ALX3: variants seen among roughly 807,000 people sequenced by gnomAD.
The protein encoded by ALX3 is ALX homeobox 3, also known as homeobox protein aristaless-like 3.
ALX3 carries 17 observed loss-of-function variants against 26.3 expected under a neutral mutation model. The ratio of observed to expected loss-of-function variants is 0.65; its 90% CI spans 0.44 to 0.97. The LOEUF (loss-of-function observed/expected upper bound fraction) is 0.97, where lower values mean the gene tolerates loss of function less well. Ranked by LOEUF, ALX3 falls within the 50% of genes least tolerant of loss-of-function variation. The pLI, the probability that ALX3 is intolerant of heterozygous loss-of-function variation, is 0.00. For missense variants in ALX3, 461 were observed against 466.5 expected, an observed-to-expected ratio of 0.99 and a Z score of 0.11; for synonymous variants, 208 against 201.4, an observed-to-expected ratio of 1.03 and a Z score of -0.28.
chr1:110,070,320 C>G lies in ALX3; in HGVS notation c.277+16G>C. Reference sequence around the variant, plus strand: ...AGAGGGTCGGGCTGCGCGCTACGCCCCGCGCCGCGCGTTACCTTCCGCGGG... The same window carrying G: ...AGAGGGTCGGGCTGCGCGCTACGCCGCGCGCCGCGCGTTACCTTCCGCGGG... On this transcript the variant is annotated intron_variant, in intron 1 of 3. Transcript: ENST00000647563. The G allele has an allele frequency of 6.2e-6, 8 of 1,292,508 alleles. No individual in the cohort carries two copies. Among genetic ancestry groups the G allele is most frequent in the Non-Finnish European group, 6.9e-6 (7 of 1,019,258 alleles). 80.1% of individuals were successfully genotyped at this position (1,292,508 alleles called of 1,614,324 possible).
intron 2 of ALX3, among the ~76,000 whole-genome samples, chr1:110,063,980 G>A (rs907774422): frequency 2.6e-5 from 4 of 151,964 alleles, no homozygotes; most frequent in Non-Finnish European, 5.9e-5. Context: ...ATCTCCATGG[G>A]GGATTTTGTT....
At position 110,060,749 on chromosome 1, in the gene ALX3, A is replaced by G; in HGVS notation, c.1016T>C (p.Leu339Pro). Residue 339 changes from leucine to proline, a missense_variant, in exon 4 of 4, where the codon CTG becomes CCG. Physicochemically the swap from Leu to Pro is moderately conservative, Grantham distance 98. Coordinates refer to ENST00000647563, the MANE Select transcript of ALX3 (RefSeq NM_006492.3). ...TGCAACCGATCACGTGGTCCAGTTC[A>G]GAAGGCCGGGTGGCTCCTTGGGCTT... ...RVKPKEPPGL[L>P]NWTT is the part of the protein sequence containing the mutation. 3.3e-6 allele frequency: 5 copies of G among 1,505,108 alleles called. No homozygotes were observed. Among genetic ancestry groups the G allele is most frequent in the Non-Finnish European group, 4.4e-6 (5 of 1,125,300 alleles). 93.2% of individuals were successfully genotyped at this position (1,505,108 alleles called of 1,614,324 possible). A position where few individuals can be genotyped will look rare whatever the true frequency, so the allele number is the denominator to read the frequency against.
At chr1:110,062,645 G>GTGCGCGCGCGCGCGC (rs57279963) in intron 2 of ALX3, 1 of 132,300 alleles carries the variant, frequency 7.6e-6, no homozygotes, top group African/African-American at 2.8e-5. Flanking sequence ...GTGTGTGTGT[G>GTGCGCGCGCGCGCGC]GAGTAATCCG....
intron 3 of ALX3, 107 bp from the exon 4 acceptor site, chr1:110,061,148 A>AC: frequency 7.6e-7 from 1 of 1,313,784 alleles, no homozygotes; most frequent in Non-Finnish European, 1.1e-6. Flanking sequence ...TTTCCAGGAA[A>AC]CCTCCACTTG....
chr1:110,060,664 A>AGGTGCTTCATCCGTGGTGTCCAGGCAGG lies in ALX3; in HGVS notation c.*68_*69insCCTGCCTGGACACCACGGATGAAGCACC. Reference sequence around the variant, plus strand: ...AGAACCATCTGGGGCTTGGAGGCAGAGGTGGGCTGGGAGCGACTGGGAATG... The same window carrying AGGTGCTTCATCCGTGGTGTCCAGGCAGG: ...AGAACCATCTGGGGCTTGGAGGCAGAGGTGCTTCATCCGTGGTGTCCAGGCAGGGGTGGGCTGGGAGCGACTGGGAATG... On this transcript the variant is annotated 3_prime_UTR_variant, in exon 4 of 4. Transcript: ENST00000647563. The AGGTGCTTCATCCGTGGTGTCCAGGCAGG allele has an allele frequency of 7.3e-7, 1 of 1,374,876 alleles. No individual in the cohort carries two copies. The allele number at this position is 1,374,876 out of a possible 1,614,324, so 85.2% of individuals were successfully genotyped here.
At position 110,070,549 on chromosome 1, in the gene ALX3, C is replaced by G. The variant is rs1331393213; in HGVS notation, c.64G>C (p.Gly22Arg). Residue 22 changes from glycine (G) to arginine (R), a missense_variant, in exon 1 of 4, where the codon GGG (glycine) becomes CGG (arginine). Gly to Arg is a moderately radical substitution (Grantham distance 125, BLOSUM62 -2). Around this residue, in one of 3 missense-constraint regions of ALX3, gnomAD observed 241 missense variants for 206.1 expected, o/e 1.17. Coordinates refer to ENST00000647563, the MANE Select transcript of ALX3 (RefSeq NM_006492.3). ...GPAPGPYVAS[G>R]DEPPGPQGTP... ...CCCTGCGGGCCCGGAGGCTCGTCCCCCGAGGCCACATAGGGGCCGGGTGCA... is the reference window on the plus strand; with the variant it reads ...CCCTGCGGGCCCGGAGGCTCGTCCCGCGAGGCCACATAGGGGCCGGGTGCA... The G allele has an allele frequency of 7.7e-7, 1 of 1,306,862 alleles. No individual in the cohort carries two copies. The highest frequency in any genetic ancestry group is 9.7e-7 in the Non-Finnish European group (1 of 1,025,652). The allele number at this position is 1,306,862 out of a possible 1,614,324, so 81.0% of individuals were successfully genotyped here.
At chr1:110,069,981 G>C (rs1653878535) in intron 1 of ALX3, among the ~76,000 whole-genome samples, 1 of 152,214 alleles carries the variant, frequency 6.6e-6, no homozygotes, top group Non-Finnish European at 1.5e-5. Context: ...CTGGGCTTCA[G>C]GGTAGGTGGC....
In ALX3 at chr1:110,070,470, A is replaced by C. The variant is rs769009378; in HGVS notation, c.143T>G (p.Leu48Arg). The change falls in exon 1 of 4, where the codon CTG becomes CGG. Residue 48 changes from leucine to arginine, a missense_variant. By Grantham distance (102) the Leu-to-Arg change is moderately radical (BLOSUM62 -2). Coordinates refer to ENST00000647563, the MANE Select transcript of ALX3 (RefSeq NM_006492.3). ...LHPAPPRGPR[L>R]TRFPACGPLE... ...GGGCCCGCAGGCCGGAAAGCGGGTC[A>C]GCCGCGGGCCGCGGGGCGGCGCGGG... 4 of 1,257,164 alleles carry C rather than the reference A, an allele frequency of 3.2e-6. No individual in the cohort carries two copies. The highest frequency in any genetic ancestry group is 2.0e-6 in the Non-Finnish European group (2 of 1,001,352). 77.9% of individuals were successfully genotyped at this position (1,257,164 alleles called of 1,614,324 possible). A position where few individuals can be genotyped will look rare whatever the true frequency, so the allele number is the denominator to read the frequency against.
chr1:110,063,918 G>A (rs533304907), intron 2 of ALX3, among the ~76,000 whole-genome samples: 1 of 151,996 alleles, frequency 6.6e-6, no homozygotes, highest in South Asian at 2.1e-4. Context: ...CACAGGCTGG[G>A]CTCCCCCCAT....
In ALX3 at chr1:110,060,489, T is replaced by G; in HGVS notation, c.*244A>C. ...GTGTCTCCCTGCCTCCAGCCCAGAGTTCAGGTGAGGGGACTCAGTTTGTGG... is the reference window on the plus strand; with the variant it reads ...GTGTCTCCCTGCCTCCAGCCCAGAGGTCAGGTGAGGGGACTCAGTTTGTGG... On this transcript the variant is annotated 3_prime_UTR_variant, in exon 4 of 4. Transcript: ENST00000647563. 1 of 350,886 alleles carries G rather than the reference T, an allele frequency of 2.8e-6. No individual in the cohort carries two copies. Among genetic ancestry groups the G allele is most frequent in the Non-Finnish European group, 5.1e-6 (1 of 194,376 alleles). 21.7% of individuals were successfully genotyped at this position (350,886 alleles called of 1,614,324 possible). A position where few individuals can be genotyped will look rare whatever the true frequency, so the allele number is the denominator to read the frequency against.
rs1227581138 is a variant in ALX3 at position 110,070,623 on chromosome 1, G to A, written c.-11C>T. The A allele has an allele frequency of 8.2e-7, 1 of 1,222,648 alleles. No homozygotes were observed. The highest frequency in any genetic ancestry group is 4.3e-5 in the Admixed American group (1 of 23,174). The allele number at this position is 1,222,648 out of a possible 1,614,324, so 75.7% of individuals were successfully genotyped here. ...GTGCTCGGGGTCCATGCCGGCTCAGGGCGCACAGGCCTCCGGGGCTCCGGG... is the reference window on the plus strand; with the variant it reads ...GTGCTCGGGGTCCATGCCGGCTCAGAGCGCACAGGCCTCCGGGGCTCCGGG... On this transcript the variant is annotated 5_prime_UTR_variant, in exon 1 of 4. Coordinates refer to ENST00000647563, the MANE Select transcript of ALX3 (RefSeq NM_006492.3).
chr1:110,067,358 C>T (rs1357787470), intron 1 of ALX3, among the ~76,000 whole-genome samples: 1 of 152,232 alleles, frequency 6.6e-6, no homozygotes, highest in East Asian at 1.9e-4. Context: ...AGGCGGGGTA[C>T]TCATGTTGGA....
At chr1:110,062,640 TGTGTG>T (rs879862386) in intron 2 of ALX3, 1,761 of 4,680 alleles carry the variant, frequency 0.38, 26 homozygotes, top group East Asian at 0.45. Context: ...TGTGTGTGTG[TGTGTG>T]GAGTAATCCG....
intron 1 of ALX3, among the ~76,000 whole-genome samples, chr1:110,069,826 G>T (rs1384491827): frequency 6.6e-6 from 1 of 152,124 alleles, no homozygotes; most frequent in Non-Finnish European, 1.5e-5. Context: ...GGAGAGACGG[G>T]CCAAGACCAG....
chr1:110,067,935 AG>A, intron 1 of ALX3, among the ~76,000 whole-genome samples: 1 of 152,356 alleles, frequency 6.6e-6, no homozygotes, highest in African/African-American at 2.4e-5. Context: ...CATCCGGCTC[AG>A]GGCCTCAGCG....
chr1:110,070,533 C>A lies in ALX3; in HGVS notation c.80G>T (p.Gly27Val). The change falls in exon 1 of 4, where the codon GGC becomes GTC. Residue 27 changes from glycine (G) to valine (V), a missense_variant. This residue lies in a region of ALX3 where 241 missense variants were observed against 206.1 expected (regional missense o/e 1.17). Coordinates refer to ENST00000647563, the MANE Select transcript of ALX3 (RefSeq NM_006492.3). Reference sequence around the variant, plus strand: ...CGCAGCGGCGGGGGTTCCCTGCGGGCCCGGAGGCTCGTCCCCCGAGGCCAC... The same window carrying A: ...CGCAGCGGCGGGGGTTCCCTGCGGGACCGGAGGCTCGTCCCCCGAGGCCAC... ...PYVASGDEPP[G>V]PQGTPAAAPH... The A allele has an allele frequency of 7.7e-7, 1 of 1,293,142 alleles. No individual in the cohort carries two copies. The highest frequency in any genetic ancestry group is 9.8e-7 in the Non-Finnish European group (1 of 1,019,676). 80.1% of individuals were successfully genotyped at this position (1,293,142 alleles called of 1,614,324 possible).
At chr1:110,065,972 C>T (rs778602620) in intron 1 of ALX3, among the ~76,000 whole-genome samples, 76 of 152,380 alleles carry the variant, frequency 5.0e-4, no homozygotes, top group African/African-American at 1.3e-3. Flanking sequence ...GCAGCTGAGA[C>T]GCCACAAAGA....
chr1:110,062,645 G>GTGTGTGTGTGTGTGTGTGTGTGTGTGTGT (rs57279963), intron 2 of ALX3: 2 of 132,298 alleles, frequency 1.5e-5, no homozygotes, highest in African/African-American at 5.6e-5. Context: ...GTGTGTGTGT[G>GTGTGTGTGTGTGTGTGTGTGTGTGTGTGT]GAGTAATCCG....
At chr1:110,061,178 C>T in intron 3 of ALX3, 137 bp from the exon 4 acceptor site, 1 of 1,088,008 alleles carries the variant, frequency 9.2e-7, no homozygotes, top group African/African-American at 1.6e-5. Flanking sequence ...TACCCCCTCT[C>T]ACCCCCAACA....
Sources: gnomAD v4.1 joint callset for allele counts (sites outside exome capture counted in the v4.1 genomes callset) on GRCh38, gnomAD v4.1.1 for gene constraint, gnomAD v4.1.1 regional missense constraint, MANE v1.5 for transcripts, NCBI Gene and HGNC (gene_info 2026-07-23, HGNC 2026-07-21) for gene names.